The following NXPH1 variants were observed in gnomAD, a reference collection of about 807,000 sequenced individuals.
The protein encoded by NXPH1 is neurexophilin 1, also known as neurexophilin-1.
A neutral mutation model predicts 23.7 loss-of-function variants in NXPH1; 5 were observed. The ratio of observed to expected loss-of-function variants is 0.21; its 90% CI spans 0.11 to 0.44. NXPH1 has a LOEUF of 0.44. Ranked by LOEUF, NXPH1 falls within the 20% of genes least tolerant of loss-of-function variation. The pLI, the probability that NXPH1 is intolerant of heterozygous loss-of-function variation, is 0.99. For synonymous variants in NXPH1, 144 were observed against 122.2 expected (o/e 1.18, Z -1.18); for missense variants, 324 against 321.6 (o/e 1.01, Z -0.06).
At chr7:8,648,629 A>C (rs1820434857) in intron 2 of NXPH1, among the ~76,000 whole-genome samples, 2 of 152,198 alleles carry the variant, frequency 1.3e-5, no homozygotes, top group African/African-American at 4.8e-5. Context: ...CAAACATGGG[A>C]GTGCCTTTTT....
rs563569143 is a variant in NXPH1 at position 8,732,885 on chromosome 7, A to T, written c.55-18123A>T. On this transcript the variant is annotated intron_variant, in intron 2 of 2. Transcript: ENST00000405863. ...GAAATTTATAATTTTTTAAATTTTT[A>T]AAAAAATTTTACTTTAAGTTCTGGG... 2.2e-3 allele frequency among the ~76,000 whole-genome samples: 342 copies of T among 152,180 alleles called. 1 individual carries two copies. Among genetic ancestry groups the T allele is most frequent in the South Asian group, 0.017 (82 of 4,808 alleles).
chr7:8,642,849 CTT>C (rs199774206), intron 2 of NXPH1, among the ~76,000 whole-genome samples: 1 of 149,070 alleles, frequency 6.7e-6, no homozygotes, highest in Non-Finnish European at 1.5e-5. Flanking sequence ...TGGGCATATA[CTT>C]TTTTTTTTCC....
intron 2 of NXPH1, among the ~76,000 whole-genome samples, chr7:8,703,361 C>A (rs1285835083): frequency 6.6e-6 from 1 of 152,056 alleles, no homozygotes; most frequent in Non-Finnish European, 1.5e-5. Context: ...TAATTTAATA[C>A]CTGTGAAATC....
rs1266570201 is a variant in NXPH1, at chr7:8,474,702, A to G, written c.54+38935A>G. On this transcript the variant is annotated intron_variant, in intron 2 of 2. Transcript: ENST00000405863. ...ATACTAACTCTCAAGGTTTCACTCA[A>G]TCTAGCCCTGATCAGTCACCTTTTT... Among the ~76,000 whole-genome samples, 4 of 152,136 alleles carry G rather than the reference A, an allele frequency of 2.6e-5. 1 individual carries two copies. The highest frequency in any genetic ancestry group is 4.8e-5 in the African/African-American group (2 of 41,436).
chr7:8,597,237 T>C (rs530028624), intron 2 of NXPH1, among the ~76,000 whole-genome samples: 10 of 152,190 alleles, frequency 6.6e-5, no homozygotes, highest in African/African-American at 2.2e-4. Context: ...GACAGTTGGG[T>C]CTTTTCAGCC....
intron 2 of NXPH1, among the ~76,000 whole-genome samples, chr7:8,644,668 C>CTT (rs201418063): frequency 6.6e-6 from 1 of 151,840 alleles, no homozygotes; most frequent in Non-Finnish European, 1.5e-5. Context: ...CAGACTAGGA[C>CTT]TTTTTTTGTG....
chr7:8,600,515 G>C (rs564891662), intron 2 of NXPH1, among the ~76,000 whole-genome samples: 18 of 152,282 alleles, frequency 1.2e-4, no homozygotes, highest in African/African-American at 4.1e-4. Context: ...ACTGTGGTCA[G>C]ATCTGGTTTG....
At chr7:8,516,186 C>T (rs1447528681) in intron 2 of NXPH1, among the ~76,000 whole-genome samples, 3 of 152,104 alleles carry the variant, frequency 2.0e-5, no homozygotes, top group African/African-American at 7.2e-5. Context: ...TTAGTAACCT[C>T]TCTATTTTTA....
In NXPH1 at chr7:8,438,543, C is replaced by T. The variant is rs540018502; in HGVS notation, c.54+2776C>T. Among the ~76,000 whole-genome samples the T allele has an allele frequency of 1.9e-4, 29 of 152,324 alleles. 1 individual carries two copies. The highest frequency in any genetic ancestry group is 6.8e-3 in the Middle Eastern group (2 of 294). On this transcript the variant is annotated intron_variant, in intron 2 of 2. Coordinates refer to ENST00000405863, the MANE Select transcript of NXPH1 (RefSeq NM_152745.3). ...TTACCTCTTAGCTGATATCTCAGTG[C>T]ACCTTGACCTTTAAGCCCATGGTAT...
At chr7:8,508,258 G>T (rs1389976051) in intron 2 of NXPH1, among the ~76,000 whole-genome samples, 1 of 152,034 alleles carries the variant, frequency 6.6e-6, no homozygotes, top group East Asian at 1.9e-4. Flanking sequence ...CCCAACAGAC[G>T]GTCTAGACAT....
At chr7:8,748,864 A>G (rs1484218445) in intron 2 of NXPH1, among the ~76,000 whole-genome samples, 1 of 152,196 alleles carries the variant, frequency 6.6e-6, no homozygotes, top group Non-Finnish European at 1.5e-5. Flanking sequence ...TATTAGGAAG[A>G]TGACAGCTTC....
chr7:8,734,724 T>C (rs1221028939), intron 2 of NXPH1, among the ~76,000 whole-genome samples: 1 of 152,190 alleles, frequency 6.6e-6, no homozygotes, highest in Non-Finnish European at 1.5e-5. Context: ...GGTCCAGAGC[T>C]GAGTTCAAGT....
chr7:8,478,526 G>A (rs111903877), intron 2 of NXPH1, among the ~76,000 whole-genome samples: 7 of 152,042 alleles, frequency 4.6e-5, no homozygotes, highest in African/African-American at 1.4e-4. Flanking sequence ...TGTAAAGAAA[G>A]ATCCAACATA....
intron 2 of NXPH1, among the ~76,000 whole-genome samples, chr7:8,593,873 T>G (rs1037147231): frequency 9.9e-5 from 15 of 152,104 alleles, no homozygotes; most frequent in African/African-American, 3.6e-4. Flanking sequence ...CTTGGTTTGG[T>G]AAAAATATAT....
chr7:8,734,390 G>GT (rs1388336664), intron 2 of NXPH1, among the ~76,000 whole-genome samples: 2 of 152,114 alleles, frequency 1.3e-5, no homozygotes, highest in Admixed American at 6.6e-5. Context: ...ATTTAATGTA[G>GT]TTTTTTCTAA....
chr7:8,578,627 C>T (rs2128623275), intron 2 of NXPH1, among the ~76,000 whole-genome samples: 1 of 152,264 alleles, frequency 6.6e-6, no homozygotes, highest in African/African-American at 2.4e-5. Flanking sequence ...CTACTGCAGG[C>T]TGGTCATGAA....
intron 2 of NXPH1, among the ~76,000 whole-genome samples, chr7:8,649,715 C>G (rs879612529): frequency 1.3e-5 from 2 of 152,118 alleles, no homozygotes; most frequent in Non-Finnish European, 2.9e-5. Context: ...TTATAATAGC[C>G]ACAGCCTTAA....
At chr7:8,693,786 A>G (rs960484361) in intron 2 of NXPH1, among the ~76,000 whole-genome samples, 1 of 152,196 alleles carries the variant, frequency 6.6e-6, no homozygotes, top group Admixed American at 6.5e-5. Flanking sequence ...GTTTGCTTAA[A>G]TAAGTACATA....
At chr7:8,577,977 G>A (rs763476565) in intron 2 of NXPH1, among the ~76,000 whole-genome samples, 1 of 152,112 alleles carries the variant, frequency 6.6e-6, no homozygotes, top group Non-Finnish European at 1.5e-5. Context: ...CAGTCCCAGC[G>A]GACCTCAGAC....
Sources: allele counts gnomAD v4.1 joint callset (sites outside exome capture counted in the v4.1 genomes callset), GRCh38; gene constraint gnomAD v4.1.1; transcripts MANE v1.5; gene names NCBI Gene and HGNC (gene_info 2026-07-23, HGNC 2026-07-21).